Variants in LRRC4C observed in about 807,000 individuals in gnomAD.
LRRC4C encodes leucine-rich repeat-containing protein 4C.
A neutral mutation model predicts 33.6 loss-of-function variants in LRRC4C; 5 were observed. The ratio of observed to expected loss-of-function variants is 0.15; its 90% CI spans 0.08 to 0.31. LRRC4C has a LOEUF of 0.31. LRRC4C is among the 10% of genes least tolerant of loss of function. The pLI is 1.00. For missense variants in LRRC4C, 560 were observed against 796.7 expected (o/e 0.70, Z 3.58); for synonymous variants, 329 against 302.0 (o/e 1.09, Z -0.93).
chr11:40,748,028 A>G (rs933454521), intron 2 of LRRC4C, among the ~76,000 whole-genome samples: 3 of 152,186 alleles, frequency 2.0e-5, no homozygotes, highest in Admixed American at 6.5e-5. Context: ...GTCTAGCAAG[A>G]GCATTAGACA....
chr11:40,476,778 A>T (rs1267995358), intron 3 of LRRC4C, among the ~76,000 whole-genome samples: 1 of 152,144 alleles, frequency 6.6e-6, no homozygotes, highest in Non-Finnish European at 1.5e-5. Context: ...GTATATTTTA[A>T]TTTTTTTAAT....
intron 1 of LRRC4C, among the ~76,000 whole-genome samples, chr11:41,093,145 A>G (rs1439402784): frequency 6.6e-6 from 1 of 152,184 alleles, no homozygotes; most frequent in African/African-American, 2.4e-5. Flanking sequence ...CAGCTCCACA[A>G]AACTACTTTA....
chr11:40,625,500 A>G (rs1189602751), intron 3 of LRRC4C, among the ~76,000 whole-genome samples: 2 of 152,140 alleles, frequency 1.3e-5, no homozygotes, highest in Non-Finnish European at 2.9e-5. Context: ...CGAGAACAGC[A>G]TGGGGGAAAA....
intron 2 of LRRC4C, among the ~76,000 whole-genome samples, chr11:40,833,977 T>C (rs1200600083): frequency 1.3e-5 from 2 of 152,196 alleles, no homozygotes; most frequent in African/African-American, 4.8e-5. Context: ...GATCACTTTC[T>C]ACCCTGTACT....
chr11:41,053,342 G>A (rs542825763), intron 1 of LRRC4C, among the ~76,000 whole-genome samples: 2 of 152,162 alleles, frequency 1.3e-5, no homozygotes, highest in Admixed American at 6.5e-5. Flanking sequence ...AACTGAGACC[G>A]GCTGCTGGCT....
chr11:40,551,540 G>C (rs762173194), intron 3 of LRRC4C, among the ~76,000 whole-genome samples: 5 of 152,074 alleles, frequency 3.3e-5, no homozygotes, highest in Non-Finnish European at 5.9e-5. Context: ...ATATCCACAA[G>C]GCTAATTCCC....
chr11:41,350,324 CT>C (rs1817619467), intron 1 of LRRC4C, among the ~76,000 whole-genome samples: 1 of 152,048 alleles, frequency 6.6e-6, no homozygotes, highest in Admixed American at 6.6e-5. Context: ...TCCTGGCCAA[CT>C]GGGTGAAACC....
chr11:40,706,150 T>C (rs1946159829), intron 2 of LRRC4C, among the ~76,000 whole-genome samples: 1 of 152,194 alleles, frequency 6.6e-6, no homozygotes, highest in Non-Finnish European at 1.5e-5. Flanking sequence ...TTTCTCCCAT[T>C]CTGTAGGTTG....
At chr11:40,695,070 G>A (rs758330485) in intron 2 of LRRC4C, among the ~76,000 whole-genome samples, 14 of 151,820 alleles carry the variant, frequency 9.2e-5, no homozygotes, top group African/African-American at 2.2e-4. Context: ...AACATTACAC[G>A]TTTTCTCCCC....
rs1855378069 is a variant in LRRC4C, at chr11:40,115,678, G to A, written c.615C>T (p.Ala205=). Residue 205 remains alanine, a synonymous_variant, in exon 7 of 7, where the codon GCC becomes GCT. Coordinates refer to ENST00000528697, the MANE Select transcript of LRRC4C (RefSeq NM_001258419.2). The surrounding 1 kb of genome is among the most constrained non-coding windows in gnomAD (Gnocchi z 6.7). The stretch of plus-strand genomic sequence containing the variant: ...TAGGGATTTCCCGAAGGTTGCACAT[G>A]GCAAGGTTCAAATACCTCAAGTTGG... The part of the protein sequence containing the change: ...GLSNLRYLNL[A]MCNLREIPNL... 6.2e-7 allele frequency: 1 copy of A among 1,614,140 alleles called. No individual in the cohort carries two copies.
intron 4 of LRRC4C, among the ~76,000 whole-genome samples, chr11:40,251,412 G>T (rs905987527): frequency 1.3e-5 from 2 of 152,082 alleles, no homozygotes; most frequent in Non-Finnish European, 2.9e-5. Context: ...GTACACAGAA[G>T]TTCCTTTTGT....
intron 3 of LRRC4C, among the ~76,000 whole-genome samples, chr11:40,440,101 A>C (rs1951325032): frequency 6.6e-6 from 1 of 151,962 alleles, no homozygotes; most frequent in Non-Finnish European, 1.5e-5. Context: ...CTTTACAGAA[A>C]AAGTTTTCCA....
At chr11:40,428,833 T>C (rs1181740297) in intron 3 of LRRC4C, among the ~76,000 whole-genome samples, 1 of 152,160 alleles carries the variant, frequency 6.6e-6, no homozygotes, top group Non-Finnish European at 1.5e-5. Flanking sequence ...TAAGAAAATA[T>C]AGTTGAAATG....
chr11:41,387,204 C>CT (rs11355712), intron 1 of LRRC4C, among the ~76,000 whole-genome samples: 2 of 151,220 alleles, frequency 1.3e-5, no homozygotes, highest in African/African-American at 2.4e-5. Context: ...GAGATGATAA[C>CT]TTTTTTTTAA....
At chr11:41,118,208 A>C (rs988238058) in intron 1 of LRRC4C, among the ~76,000 whole-genome samples, 1 of 152,196 alleles carries the variant, frequency 6.6e-6, no homozygotes, top group South Asian at 2.1e-4. Flanking sequence ...CTGCTGAAGC[A>C]CAATGCTGTT....
At chr11:41,109,515 A>T (rs1471692591) in intron 1 of LRRC4C, among the ~76,000 whole-genome samples, 1 of 152,122 alleles carries the variant, frequency 6.6e-6, no homozygotes, top group Non-Finnish European at 1.5e-5. Context: ...AGAGCCCTCA[A>T]GGGCTTTGAG....
intron 1 of LRRC4C, among the ~76,000 whole-genome samples, chr11:41,066,552 A>T (rs1938254227): frequency 6.6e-6 from 1 of 152,196 alleles, no homozygotes; most frequent in Non-Finnish European, 1.5e-5. Flanking sequence ...ATGCAAATTC[A>T]GGAAATACAG....
At chr11:40,831,833 C>A (rs535968166) in intron 2 of LRRC4C, among the ~76,000 whole-genome samples, 5 of 151,952 alleles carry the variant, frequency 3.3e-5, no homozygotes, top group Non-Finnish European at 7.4e-5. Context: ...GAGAAACCTG[C>A]CCCCATGATT....
At chr11:40,891,014 C>CGG (rs1333424385) in intron 2 of LRRC4C, among the ~76,000 whole-genome samples, 1 of 151,896 alleles carries the variant, frequency 6.6e-6, no homozygotes, top group African/African-American at 2.4e-5. Flanking sequence ...AGGCCGAAGC[C>CGG]GGGAGATCAC....
Sources: gnomAD v4.1 joint callset for allele counts (sites outside exome capture counted in the v4.1 genomes callset) on GRCh38, gnomAD v4.1.1 for gene constraint, Gnocchi (gnomAD v3.1) non-coding constraint, MANE v1.5 for transcripts, NCBI Gene and HGNC (gene_info 2026-07-23, HGNC 2026-07-21) for gene names.